TMCC1: variants seen among roughly 807,000 people sequenced by gnomAD.
The protein encoded by TMCC1 is transmembrane and coiled-coil domains protein 1.
A neutral mutation model predicts 52.4 loss-of-function variants in TMCC1; 15 were observed. The observed-to-expected ratio is 0.29, with a 90% CI of 0.19 to 0.44. The LOEUF (loss-of-function observed/expected upper bound fraction) is 0.44, where lower values mean the gene tolerates loss of function less well. TMCC1 is among the 20% of genes least tolerant of loss of function. The pLI, the probability that TMCC1 is intolerant of heterozygous loss-of-function variation, is 1.00. For missense variants in TMCC1, 503 were observed against 806.0 expected (o/e 0.62, Z 4.55); for synonymous variants, 279 against 301.9 (o/e 0.92, Z 0.79).
At chr3:129,831,949 G>A (rs2058936701) in intron 3 of TMCC1, among the ~76,000 whole-genome samples, 1 of 152,098 alleles carries the variant, frequency 6.6e-6, no homozygotes, top group Non-Finnish European at 1.5e-5. Context: ...CTGCCTTCTG[G>A]GTTCAAGCAA....
chr3:129,755,651 A>C (rs937960789), intron 4 of TMCC1, among the ~76,000 whole-genome samples: 12 of 152,232 alleles, frequency 7.9e-5, no homozygotes, highest in Admixed American at 4.6e-4. Context: ...GATATTCATC[A>C]TCAAAACTAA....
chr3:129,859,030 A>G (rs2060264879), intron 2 of TMCC1, among the ~76,000 whole-genome samples: 1 of 152,232 alleles, frequency 6.6e-6, no homozygotes, highest in African/African-American at 2.4e-5. Flanking sequence ...TGGTAAACTA[A>G]TAGAAAAATA....
chr3:129,810,941 T>G (rs899326273), intron 4 of TMCC1, among the ~76,000 whole-genome samples: 1 of 152,224 alleles, frequency 6.6e-6, no homozygotes, highest in Non-Finnish European at 1.5e-5. Flanking sequence ...GTGGTGAGCT[T>G]AAGGCAGAAA....
intron 2 of TMCC1, among the ~76,000 whole-genome samples, chr3:129,837,884 G>A (rs149427166): frequency 6.6e-6 from 1 of 152,200 alleles, no homozygotes; most frequent in Non-Finnish European, 1.5e-5. Context: ...GCCTTTGAGA[G>A]GCTTATCAAG....
At chr3:129,751,607 G>T (rs1042501921) in intron 4 of TMCC1, among the ~76,000 whole-genome samples, 4 of 149,596 alleles carry the variant, frequency 2.7e-5, no homozygotes, top group African/African-American at 9.8e-5. Flanking sequence ...CTGTCACCCA[G>T]GCTGGAGTGC....
chr3:129,694,284 T>C lies in TMCC1; in HGVS notation c.577-23020A>G, dbSNP rs936265079. Among the ~76,000 whole-genome samples, 4 of 152,348 alleles carry C rather than the reference T, an allele frequency of 2.6e-5. No individual in the cohort carries two copies. The Middle Eastern group carries it at 0.014, about 518-fold the overall frequency. ...GAAGTTAACTGTGTTGTCTTAGTAA[T>C]TGCTCAAAACTGTATGGCTCTGGAT... On this transcript the variant is annotated intron_variant, in intron 4 of 6. Transcript: ENST00000393238.
chr3:129,669,323 C>T (rs899354427), intron 5 of TMCC1, among the ~76,000 whole-genome samples: 22 of 152,316 alleles, frequency 1.4e-4, no homozygotes, highest in Non-Finnish European at 2.9e-4. Context: ...GGCCAGAACC[C>T]AGGTCCTTCA....
At chr3:129,829,313 A>T (rs1029340665) in intron 3 of TMCC1, among the ~76,000 whole-genome samples, 2 of 152,136 alleles carry the variant, frequency 1.3e-5, no homozygotes. Context: ...AAGCAAAGTA[A>T]CTGGGTAGGA....
intron 4 of TMCC1, among the ~76,000 whole-genome samples, chr3:129,727,475 T>A (rs983462574): frequency 6.6e-6 from 1 of 152,200 alleles, no homozygotes; most frequent in African/African-American, 2.4e-5. Flanking sequence ...ATTTTAAATC[T>A]TTATAAAGAT....
chr3:129,863,941 C>A (rs1044619714), intron 2 of TMCC1, among the ~76,000 whole-genome samples: 1 of 152,060 alleles, frequency 6.6e-6, no homozygotes, highest in Non-Finnish European at 1.5e-5. Flanking sequence ...CAACACACCC[C>A]CAAATGCCAT....
chr3:129,864,940 C>T (rs2060553249), intron 2 of TMCC1, among the ~76,000 whole-genome samples: 1 of 152,144 alleles, frequency 6.6e-6, no homozygotes, highest in African/African-American at 2.4e-5. Flanking sequence ...AGTCATTTAT[C>T]CATTTGGCAA....
chr3:129,808,779 A>T (rs2057618804), intron 4 of TMCC1, among the ~76,000 whole-genome samples: 1 of 151,430 alleles, frequency 6.6e-6, no homozygotes, highest in East Asian at 1.9e-4. Flanking sequence ...GATCATTTTC[A>T]TTAAAGGAAG....
In TMCC1 at chr3:129,648,211, C is replaced by G. The variant is rs1246662220; in HGVS notation, c.*3270G>C. 6.6e-6 allele frequency: 1 copy of G among 152,218 alleles called. No homozygotes were observed. Among genetic ancestry groups the G allele is most frequent in the Non-Finnish European group, 1.5e-5 (1 of 68,044 alleles). The allele number at this position is 152,218 out of a possible 1,614,324, so 9.4% of individuals were successfully genotyped here. On this transcript the variant is annotated 3_prime_UTR_variant, in exon 7 of 7. Transcript: ENST00000393238. ...TATTTTCCAAAGCTGAAAGGCAGCTCCTCATTGGAACTCTCTCAGAACTCA... is the reference window on the plus strand; with the variant it reads ...TATTTTCCAAAGCTGAAAGGCAGCTGCTCATTGGAACTCTCTCAGAACTCA...
Position 129,764,180 on chromosome 3 carries a change from G to A in TMCC1, c.576+63623C>T, listed in dbSNP as rs956475017. Reference sequence around the variant, plus strand: ...AAACTGGAATGTTTTTCTCTCTTTTGTAATGTTTACTGTCTCCACTGTTTT... The same window carrying A: ...AAACTGGAATGTTTTTCTCTCTTTTATAATGTTTACTGTCTCCACTGTTTT... On this transcript the variant is annotated intron_variant, in intron 4 of 6. Coordinates refer to ENST00000393238, the MANE Select transcript of TMCC1 (RefSeq NM_001017395.5). Among the ~76,000 whole-genome samples the A allele has an allele frequency of 3.3e-5, 5 of 152,206 alleles. No homozygotes were observed. The East Asian group carries it at 7.7e-4, about 23-fold the overall frequency.
intron 1 of TMCC1, among the ~76,000 whole-genome samples, chr3:129,884,778 A>G (rs2061614575): frequency 6.6e-6 from 1 of 152,190 alleles, no homozygotes; most frequent in Non-Finnish European, 1.5e-5. Context: ...ATAAAAAAAA[A>G]TGGTGGTCAA....
At chr3:129,831,828 G>T (rs976635807) in intron 3 of TMCC1, among the ~76,000 whole-genome samples, 1 of 152,102 alleles carries the variant, frequency 6.6e-6, no homozygotes, top group Non-Finnish European at 1.5e-5. Flanking sequence ...ATGAACAACT[G>T]TTGCTCAGTT....
chr3:129,780,332 G>A (rs1345567109), intron 4 of TMCC1, among the ~76,000 whole-genome samples: 1 of 151,758 alleles, frequency 6.6e-6, no homozygotes, highest in South Asian at 2.1e-4. Flanking sequence ...TGATCTCCAG[G>A]GTCTCTTCCT....
At chr3:129,723,992 C>T (rs998168538) in intron 4 of TMCC1, among the ~76,000 whole-genome samples, 2 of 150,256 alleles carry the variant, frequency 1.3e-5, no homozygotes, top group African/African-American at 4.9e-5. Flanking sequence ...GGGCTCCATG[C>T]TTGTGAGAGA....
chr3:129,864,309 G>T (rs2060525902), intron 2 of TMCC1, among the ~76,000 whole-genome samples: 1 of 152,124 alleles, frequency 6.6e-6, no homozygotes, highest in Admixed American at 6.5e-5. Context: ...TTAGCAAGTG[G>T]CAGAGTCAAA....
Sources: gnomAD v4.1 joint callset for allele counts (sites outside exome capture counted in the v4.1 genomes callset) on GRCh38, gnomAD v4.1.1 for gene constraint, MANE v1.5 for transcripts, NCBI Gene and HGNC (gene_info 2026-07-23, HGNC 2026-07-21) for gene names.